FAM13A: variants seen among roughly 807,000 people sequenced by gnomAD.
The protein encoded by FAM13A is family with sequence similarity 13 member A.
In FAM13A, 76 loss-of-function variants were observed where a neutral mutation model predicts 129.6. That is an observed-to-expected ratio of 0.59 (90% CI 0.49 to 0.71). The LOEUF (loss-of-function observed/expected upper bound fraction) is 0.71, where lower values mean the gene tolerates loss of function less well. Ranked by LOEUF, FAM13A falls within the 30% of genes least tolerant of loss-of-function variation. The pLI is 0.00. For missense variants in FAM13A, 1,108 were observed against 1,249.3 expected, an observed-to-expected ratio of 0.89 and a Z score of 1.70; for synonymous variants, 443 against 449.9, an observed-to-expected ratio of 0.98 and a Z score of 0.20.
At chr4:88,794,305 G>C (rs1725739739) in intron 8 of FAM13A, among the ~76,000 whole-genome samples, 1 of 151,824 alleles carries the variant, frequency 6.6e-6, no homozygotes, top group Non-Finnish European at 1.5e-5. Context: ...TATTCTATTG[G>C]CATGGTCATT....
chr4:88,746,870 A>T, intron 19 of FAM13A, 62 bp downstream of exon 19: 1 of 1,098,622 alleles, frequency 9.1e-7, no homozygotes, highest in South Asian at 1.3e-5. Flanking sequence ...TACTGAACAT[A>T]GAAAATCCAT....
intron 4 of FAM13A, among the ~76,000 whole-genome samples, chr4:88,977,542 T>C (rs138873731): frequency 6.0e-4 from 91 of 152,322 alleles, no homozygotes; most frequent in African/African-American, 2.1e-3. Flanking sequence ...ACTGCTCCCT[T>C]GTAATATAAC....
chr4:89,039,064 T>C (rs1350943111), intron 1 of FAM13A, among the ~76,000 whole-genome samples: 6 of 152,214 alleles, frequency 3.9e-5, no homozygotes, highest in Admixed American at 3.3e-4. Flanking sequence ...TTATCAAGTA[T>C]TCTTGCTAAA....
At chr4:88,742,904 T>C (rs1484103780) in intron 19 of FAM13A, among the ~76,000 whole-genome samples, 1 of 152,206 alleles carries the variant, frequency 6.6e-6, no homozygotes, top group Non-Finnish European at 1.5e-5. Flanking sequence ...TGCTTCCTAA[T>C]TGCTTGGAAA....
At chr4:89,015,025 G>C (rs576504907) in intron 3 of FAM13A, among the ~76,000 whole-genome samples, 7 of 152,226 alleles carry the variant, frequency 4.6e-5, no homozygotes, top group African/African-American at 1.4e-4. Flanking sequence ...GCGTTCCTAG[G>C]GGGTGGTCTC....
intron 5 of FAM13A, among the ~76,000 whole-genome samples, chr4:88,909,924 T>A (rs1416590870): frequency 1.3e-5 from 2 of 152,210 alleles, no homozygotes; most frequent in African/African-American, 4.8e-5. Flanking sequence ...ATATCTAAAT[T>A]TTTTACAAAG....
At chr4:89,004,155 G>GT (rs1432832970) in intron 3 of FAM13A, among the ~76,000 whole-genome samples, 1 of 152,066 alleles carries the variant, frequency 6.6e-6, no homozygotes, top group Admixed American at 6.5e-5. Context: ...TTTCTTTTTT[G>GT]TAAGATGGAG....
intron 5 of FAM13A, among the ~76,000 whole-genome samples, chr4:88,922,554 G>A (rs1751309048): frequency 6.6e-6 from 1 of 152,036 alleles, no homozygotes; most frequent in Non-Finnish European, 1.5e-5. Context: ...TCAAAGCAGT[G>A]TGTAGAGGGA....
chr4:88,896,952 T>C (rs978505261), intron 6 of FAM13A, among the ~76,000 whole-genome samples: 1 of 152,208 alleles, frequency 6.6e-6, no homozygotes, highest in Admixed American at 6.5e-5. Flanking sequence ...CTTGAGTTTT[T>C]TGGTAAGGTT....
chr4:88,886,595 A>G (rs909119738), intron 6 of FAM13A, among the ~76,000 whole-genome samples: 7 of 147,428 alleles, frequency 4.7e-5, no homozygotes, highest in Non-Finnish European at 1.0e-4. Flanking sequence ...TCTTAAAAAG[A>G]AAAAAAAAAG....
chr4:88,756,018 C>A (rs1374817943), intron 14 of FAM13A, among the ~76,000 whole-genome samples: 1 of 152,208 alleles, frequency 6.6e-6, no homozygotes, highest in South Asian at 2.1e-4. Flanking sequence ...ACTGCTTAAA[C>A]CCCAGTGCTT....
chr4:88,938,143 T>C lies in FAM13A; in HGVS notation c.704A>G (p.Tyr235Cys), dbSNP rs780742460. Reference protein sequence around the residue: ...ENYNTLFEVEYTENDHLRCEN... With the variant: ...ENYNTLFEVECTENDHLRCEN... Reference sequence around the variant, plus strand: ...ACATCTCAGATGATCATTTTCTGTATACTCTACTTCAAACAGGGTATTGTA... The same window carrying C: ...ACATCTCAGATGATCATTTTCTGTACACTCTACTTCAAACAGGGTATTGTA... The change falls in exon 5 of 24, where the codon TAT becomes TGT. Residue 235 changes from tyrosine to cysteine, a missense_variant. Tyr to Cys is a radical substitution (Grantham distance 194). Around this residue, in one of 3 missense-constraint regions of FAM13A, gnomAD observed 566 missense variants for 595.7 expected, o/e 0.95. Coordinates refer to ENST00000264344, the MANE Select transcript of FAM13A (RefSeq NM_014883.4). 4 of 1,613,328 alleles carry C rather than the reference T, an allele frequency of 2.5e-6. No individual in the cohort carries two copies. Among genetic ancestry groups the C allele is most frequent in the East Asian group, 4.5e-5 (2 of 44,882 alleles).
chr4:88,965,578 A>G (rs893705911), intron 4 of FAM13A, among the ~76,000 whole-genome samples: 6 of 152,200 alleles, frequency 3.9e-5, no homozygotes, highest in African/African-American at 1.4e-4. Flanking sequence ...AAGTTAAAAA[A>G]AAACAAGATG....
chr4:88,968,887 C>T (rs188163618), intron 4 of FAM13A, among the ~76,000 whole-genome samples: 1 of 152,180 alleles, frequency 6.6e-6, no homozygotes, highest in Non-Finnish European at 1.5e-5. Context: ...ATTTTGGGGT[C>T]ACATAAAGGA....
Position 89,057,063 on chromosome 4 carries a change from T to TG in FAM13A, c.-100dup. The TG allele has an allele frequency of 6.4e-7, 1 of 1,571,514 alleles. No homozygotes were observed. The highest frequency in any genetic ancestry group is 1.2e-5 in the South Asian group (1 of 84,590). ...TCCATTCAGCACATATTCTTTGATG[T>TG]GAAAAACAGCTCCCAATGCAAAGGC... On this transcript the variant is annotated 5_prime_UTR_variant, in exon 1 of 24. The change creates a premature stop within an existing upstream ORF in the 5' untranslated region. Coordinates refer to ENST00000264344, the MANE Select transcript of FAM13A (RefSeq NM_014883.4).
At chr4:88,911,544 T>C (rs1195228043) in intron 5 of FAM13A, among the ~76,000 whole-genome samples, 1 of 152,222 alleles carries the variant, frequency 6.6e-6, no homozygotes, top group East Asian at 1.9e-4. Context: ...AAGCTAGTCA[T>C]TGCCACACCA....
rs577332190 is a variant in FAM13A at position 88,965,371 on chromosome 4, T to C, written c.605+25602A>G. On this transcript the variant is annotated intron_variant, in intron 4 of 23. Transcript: ENST00000264344. ...CAAGAACACAGCAGACTTCTCTCAA[T>C]TAAACAAAATGTTCTTCTTTACATT... Among the ~76,000 whole-genome samples the C allele has an allele frequency of 2.6e-5, 4 of 152,314 alleles. No homozygotes were observed. The South Asian group carries it at 8.3e-4, about 32-fold the overall frequency.
chr4:88,837,411 C>T (rs1447370319), intron 7 of FAM13A, among the ~76,000 whole-genome samples: 1 of 151,084 alleles, frequency 6.6e-6, no homozygotes, highest in African/African-American at 2.5e-5. Flanking sequence ...TTCTCAGTAA[C>T]GTTTAAGAAT....
intron 4 of FAM13A, among the ~76,000 whole-genome samples, chr4:88,945,990 G>GTATGTATGTATGTGTGTATATATA (rs1553901196): frequency 4.0e-4 from 25 of 61,922 alleles, no homozygotes; most frequent in African/African-American, 1.9e-3. Context: ...GTGTGTGTGT[G>GTATGTATGTATGTGTGTATATATA]TATATATATA....
Sources: allele counts gnomAD v4.1 joint callset (sites outside exome capture counted in the v4.1 genomes callset), GRCh38; gene constraint gnomAD v4.1.1; regional missense constraint gnomAD v4.1.1; transcripts MANE v1.5; gene names NCBI Gene and HGNC (gene_info 2026-07-23, HGNC 2026-07-21).